The following SLC23A2 variants were observed in gnomAD, a reference collection of about 807,000 sequenced individuals.
SLC23A2 encodes the protein Na(+)/L-ascorbic acid transporter 2.
In SLC23A2, 36 loss-of-function variants were observed where a neutral mutation model predicts 73.3. That is an observed-to-expected ratio of 0.49 (90% confidence interval 0.38 to 0.65). SLC23A2 has a LOEUF of 0.65. Ranked by LOEUF, SLC23A2 falls within the 30% of genes least tolerant of loss-of-function variation. SLC23A2 has a pLI of 0.00. For missense variants in SLC23A2, 507 were observed against 841.6 expected, an observed-to-expected ratio of 0.60 and a Z score of 4.92; for synonymous variants, 343 against 327.3, an observed-to-expected ratio of 1.05 and a Z score of -0.52.
rs1311817867 is a variant in SLC23A2, at chr20:4,853,339, T to C, written c.*3633A>G. 1 of 152,664 alleles carries C rather than the reference T, an allele frequency of 6.6e-6. No homozygotes were observed. The highest frequency in any genetic ancestry group is 2.4e-5 in the African/African-American group (1 of 41,444). The allele number at this position is 152,664 out of a possible 1,614,324, so 9.5% of individuals were successfully genotyped here. A position where few individuals can be genotyped will look rare whatever the true frequency, so the allele number is the denominator to read the frequency against. The stretch of plus-strand genomic sequence containing the variant: ...GAATGAGGCTTCTGCTACTGCTCCA[T>C]ATTCACCTTCAATCTGGCCTGGCCA... On this transcript the variant is annotated 3_prime_UTR_variant, in exon 17 of 17. Coordinates refer to ENST00000338244, the MANE Select transcript of SLC23A2 (RefSeq NM_005116.6).
intron 2 of SLC23A2, among the ~76,000 whole-genome samples, chr20:4,940,652 T>C (rs951605053): frequency 1.3e-5 from 2 of 152,192 alleles, no homozygotes; most frequent in African/African-American, 4.8e-5. Context: ...TTTACCCTGT[T>C]ATATATGTGT....
At chr20:4,950,897 G>A (rs1163757284) in intron 2 of SLC23A2, among the ~76,000 whole-genome samples, 1 of 152,204 alleles carries the variant, frequency 6.6e-6, no homozygotes, top group East Asian at 1.9e-4. Flanking sequence ...GAAACTTTGA[G>A]GAGCTCAGCA....
intron 2 of SLC23A2, among the ~76,000 whole-genome samples, chr20:4,955,380 C>T (rs2087269084): frequency 6.6e-6 from 1 of 151,890 alleles, no homozygotes. Flanking sequence ...CACACACACA[C>T]ACACACACAC....
chr20:5,001,744 G>A (rs75901406), upstream of SLC23A2, among the ~76,000 whole-genome samples: 4,474 of 151,334 alleles, frequency 0.03, 103 homozygotes, highest in Non-Finnish European at 0.048. Context: ...CCCCCTTCGC[G>A]ACCCTTCCCA....
At chr20:4,915,628 A>G (rs1932294783) in intron 3 of SLC23A2, among the ~76,000 whole-genome samples, 1 of 152,214 alleles carries the variant, frequency 6.6e-6, no homozygotes, top group African/African-American at 2.4e-5. Context: ...TACAGATTAT[A>G]ACCTAGGTCT....
intron 4 of SLC23A2, among the ~76,000 whole-genome samples, chr20:4,904,474 A>AT (rs1242727597): frequency 6.6e-6 from 1 of 151,936 alleles, no homozygotes; most frequent in African/African-American, 2.4e-5. Flanking sequence ...ACAAAAAAAA[A>AT]ACCCTTAACT....
intron 1 of SLC23A2, among the ~76,000 whole-genome samples, chr20:5,000,513 GT>G (rs1218952825): frequency 2.0e-5 from 3 of 152,030 alleles, no homozygotes; most frequent in African/African-American, 7.2e-5. Context: ...TCCCCCGCCC[GT>G]CTCCCAGCAC....
intron 2 of SLC23A2, among the ~76,000 whole-genome samples, chr20:4,939,461 T>C (rs1022110031): frequency 1.3e-5 from 2 of 152,150 alleles, no homozygotes; most frequent in African/African-American, 4.8e-5. Context: ...TCAAAAGATA[T>C]GAAAAATCTC....
In SLC23A2 at chr20:4,883,764, C is replaced by G. The variant is rs1456944148; in HGVS notation, c.702G>C (p.Leu234=). 18 of 1,613,722 alleles carry G rather than the reference C, an allele frequency of 1.1e-5. No individual in the cohort carries two copies. Among genetic ancestry groups the G allele is most frequent in the Non-Finnish European group, 1.4e-5 (16 of 1,179,840 alleles). Residue 234 remains leucine, a synonymous_variant, in exon 9 of 17, where the codon CTG becomes CTC. Transcript: ENST00000338244. This position sits in a 1 kb window ranked among gnomAD's most constrained non-coding sequence, Gnocchi z 4.5. The part of the protein sequence containing the change: ...LIEVVIGLLG[L]PGALLKYIGP... ...CGATGTACTTCAGTAGAGCCCCAGGCAGGCCGAGGAGGCCGATGACTACTT... is the reference window on the plus strand; with the variant it reads ...CGATGTACTTCAGTAGAGCCCCAGGGAGGCCGAGGAGGCCGATGACTACTT...
chr20:4,930,477 AT>A (rs1932776970), intron 3 of SLC23A2, among the ~76,000 whole-genome samples: 1 of 152,252 alleles, frequency 6.6e-6, no homozygotes. Flanking sequence ...ATTTAAAAAA[AT>A]AAACGAATAA....
At chr20:4,918,859 C>T (rs577672997) in intron 3 of SLC23A2, among the ~76,000 whole-genome samples, 1 of 152,210 alleles carries the variant, frequency 6.6e-6, no homozygotes, top group East Asian at 1.9e-4. Context: ...ATAAAGTTCC[C>T]CAAATTTCTG....
At chr20:4,988,495 T>TG (rs2087867196) in intron 1 of SLC23A2, among the ~76,000 whole-genome samples, 1 of 151,186 alleles carries the variant, frequency 6.6e-6, no homozygotes, top group Non-Finnish European at 1.5e-5. Flanking sequence ...CCCAGCACTT[T>TG]GGGGGGTTGA....
Position 4,890,505 on chromosome 20 carries a change from T to C in SLC23A2, c.483-4596A>G, listed in dbSNP as rs1931291674. 2.6e-5 allele frequency among the ~76,000 whole-genome samples: 4 copies of C among 151,920 alleles called. No homozygotes were observed. The South Asian group carries it at 8.3e-4, about 32-fold the overall frequency. ...CCATCTCTACTAAAAACACAAAAAC[T>C]AGCCAGGCATGGTGGCAGGTACCTA... On this transcript the variant is annotated intron_variant, in intron 6 of 16. Transcript: ENST00000338244.
At chr20:4,961,475 G>A (rs889671119) in intron 2 of SLC23A2, among the ~76,000 whole-genome samples, 6 of 152,052 alleles carry the variant, frequency 3.9e-5, no homozygotes, top group East Asian at 3.9e-4. Context: ...TCCAGCTCTC[G>A]GCCCAGGACA....
At chr20:5,000,990 G>A (rs997915752) in intron 1 of SLC23A2, among the ~76,000 whole-genome samples, 1 of 152,182 alleles carries the variant, frequency 6.6e-6, no homozygotes, top group Non-Finnish European at 1.5e-5. Flanking sequence ...CCGGGGGAGG[G>A]GCGAGGGAAG....
chr20:4,997,143 C>CT (rs987807926), intron 1 of SLC23A2, among the ~76,000 whole-genome samples: 2 of 152,306 alleles, frequency 1.3e-5, no homozygotes, highest in African/African-American at 4.8e-5. Flanking sequence ...TGCATTCTGG[C>CT]TGGTCTCCTT....
intron 11 of SLC23A2, 73 bp from the exon 12 acceptor site, chr20:4,870,126 C>A: frequency 7.9e-7 from 1 of 1,263,178 alleles, no homozygotes; most frequent in South Asian, 1.4e-5. Flanking sequence ...TACCCAAAGT[C>A]ATTCTGAACG....
chr20:4,861,612 A>C lies in SLC23A2; in HGVS notation c.1624+336T>G, dbSNP rs1294118245. ...AGAATAACGTGTTCAAAGTCTATGA[A>C]GTTGAGTTTCAAAAAAAAATTATCT... On this transcript the variant is annotated intron_variant, in intron 15 of 16. Coordinates refer to ENST00000338244, the MANE Select transcript of SLC23A2 (RefSeq NM_005116.6). Among the ~76,000 whole-genome samples the C allele has an allele frequency of 2.0e-5, 3 of 152,186 alleles. No individual in the cohort carries two copies. In the East Asian group the frequency reaches 5.8e-4, roughly 29 times the overall value.
chr20:4,881,782 G>A (rs1338934301), intron 9 of SLC23A2, among the ~76,000 whole-genome samples: 1 of 152,094 alleles, frequency 6.6e-6, no homozygotes, highest in African/African-American at 2.4e-5. Context: ...AACACCTCTG[G>A]CTACTAAGTG....
Sources: allele counts gnomAD v4.1 joint callset (sites outside exome capture counted in the v4.1 genomes callset), GRCh38; gene constraint gnomAD v4.1.1; non-coding constraint Gnocchi (gnomAD v3.1); transcripts MANE v1.5; gene names NCBI Gene and HGNC (gene_info 2026-07-23, HGNC 2026-07-21).